The following KIAA1755 variants were observed in gnomAD, a reference collection of about 807,000 sequenced individuals.
KIAA1755 encodes the protein KIAA1755.
KIAA1755 carries 68 observed loss-of-function variants against 91.7 expected under a neutral mutation model. That is an observed-to-expected ratio of 0.74 (90% CI 0.61 to 0.91). The LOEUF is 0.91. Among genes scored for constraint, KIAA1755 ranks in the 40% least tolerant of loss-of-function variants. The pLI is 0.00. For missense variants in KIAA1755, 1,535 were observed against 1,494.4 expected, an observed-to-expected ratio of 1.03 and a Z score of -0.45; for synonymous variants, 610 against 604.6, an observed-to-expected ratio of 1.01 and a Z score of -0.13.
intron 7 of KIAA1755, 79 bp from the exon 8 acceptor site, chr20:38,225,860 C>T: frequency 1.3e-6 from 1 of 763,786 alleles, no homozygotes; most frequent in Non-Finnish European, 2.0e-6. Flanking sequence ...AGATCCCTGC[C>T]CCAGCACCAG....
rs772680080 is a variant in KIAA1755, at chr20:38,241,523, G to A, written c.608C>T (p.Pro203Leu). Residue 203 changes from proline to leucine, a missense_variant, in exon 3 of 14, where the codon CCC becomes CTC. Physicochemically the swap from Pro to Leu is moderately conservative, Grantham distance 98. Coordinates refer to ENST00000279024, the MANE Select transcript of KIAA1755 (RefSeq NM_001029864.2). ...VVNALCQAWG[P>L]LPLEALDLSS... ...CAAATCCAGTGCCTCTAATGGAAGG[G>A]GCCCCCAGGCTTGGCAGAGGGCATT... 3.1e-6 allele frequency: 5 copies of A among 1,614,220 alleles called. No homozygotes were observed. In the African/African-American group the frequency reaches 4.0e-5, roughly 13 times the overall value.
At chr20:38,221,568 A>G (rs1187609556) in intron 10 of KIAA1755, among the ~76,000 whole-genome samples, 1 of 152,166 alleles carries the variant, frequency 6.6e-6, no homozygotes, top group Non-Finnish European at 1.5e-5. Context: ...TGGACTAATC[A>G]CTTACCTTCT....
In KIAA1755 at chr20:38,260,694, G is replaced by A. The variant is rs759552784; in HGVS notation, c.-194C>T. On this transcript the variant is annotated 5_prime_UTR_variant, in exon 1 of 14. Transcript: ENST00000279024. ...GGGAGGACAGGGAGAGAGACTGAGA[G>A]AGAGACAGAGAGGGACTGAGGCTGG... is the stretch of plus-strand genomic sequence containing the variant. The A allele has an allele frequency of 2.0e-6, 1 of 507,358 alleles. No individual in the cohort carries two copies. Among genetic ancestry groups the A allele is most frequent in the South Asian group, 7.9e-5 (1 of 12,724 alleles). 31.4% of individuals were successfully genotyped at this position (507,358 alleles called of 1,614,324 possible).
chr20:38,253,210 C>T lies in KIAA1755; in HGVS notation c.4-7084G>A, dbSNP rs554356551. Among the ~76,000 whole-genome samples, 8 of 152,292 alleles carry T rather than the reference C, an allele frequency of 5.3e-5. No individual in the cohort carries two copies. In the East Asian group the frequency reaches 1.2e-3, roughly 22 times the overall value. ...TCAAGGGGACAGGCAGAACCAGGCC[C>T]GCACTGCTGGCTCCTATACCATGCT... On this transcript the variant is annotated intron_variant, in intron 1 of 13. Transcript: ENST00000279024.
chr20:38,228,055 C>G, intron 6 of KIAA1755, 92 bp downstream of exon 6: 1 of 869,930 alleles, frequency 1.1e-6, no homozygotes, highest in Non-Finnish European at 1.7e-6. Context: ...GTCCTGGTCC[C>G]AGCCTTAAGC....
At chr20:38,252,578 C>T (rs80132067) in intron 1 of KIAA1755, among the ~76,000 whole-genome samples, 7,806 of 152,230 alleles carry the variant, frequency 0.051, 358 homozygotes, top group African/African-American at 0.12. Flanking sequence ...TGTTTCCTGC[C>T]GCCCCCTCTG....
At chr20:38,236,587 G>A (rs1216529464) in intron 4 of KIAA1755, among the ~76,000 whole-genome samples, 13 of 152,148 alleles carry the variant, frequency 8.5e-5, no homozygotes, top group African/African-American at 3.1e-4. Context: ...AAGATCTAAT[G>A]GCAAGTGAAG....
rs183068992 is a variant in KIAA1755, at chr20:38,219,782, G to A, written c.2418-14C>T. ...GCCAGATGGCTCCTGGGAGGTGGGC[G>A]GAGGTGAGAAAAGGCCTCTGTTGCC... is the stretch of plus-strand genomic sequence containing the variant. On this transcript the variant is annotated splice_polypyrimidine_tract_variant and intron_variant, in intron 10 of 13. Transcript: ENST00000279024. 60 of 1,613,892 alleles carry A rather than the reference G, an allele frequency of 3.7e-5. No individual in the cohort carries two copies. The highest frequency in any genetic ancestry group is 6.7e-5 in the East Asian group (3 of 44,876).
chr20:38,225,609 G>T, intron 8 of KIAA1755, 56 bp downstream of exon 8: 1 of 1,040,786 alleles, frequency 9.6e-7, no homozygotes, highest in Non-Finnish European at 1.5e-6. Flanking sequence ...ACAGAAGAGT[G>T]AAGAGAAGAA....
chr20:38,259,671 A>T (rs1341465712), intron 1 of KIAA1755, among the ~76,000 whole-genome samples: 1 of 151,824 alleles, frequency 6.6e-6, no homozygotes, highest in Non-Finnish European at 1.5e-5. Flanking sequence ...CTGTCTTCAC[A>T]GCTTTTTTCA....
At position 38,240,892 on chromosome 20, in the gene KIAA1755, G is replaced by C; in HGVS notation, c.1239C>G (p.Leu413=). Reference sequence around the variant, plus strand: ...AGGAGGCTTGTCTTGGTCCAGGCCTGAGCTGCACCATATTCTCTGGGTTTC... The same window carrying C: ...AGGAGGCTTGTCTTGGTCCAGGCCTCAGCTGCACCATATTCTCTGGGTTTC... ...PLGNPENMVQ[L]RPGPRQASSP... Residue 413 remains leucine, a synonymous_variant, in exon 3 of 14, where the codon CTC becomes CTG. Coordinates refer to ENST00000279024, the MANE Select transcript of KIAA1755 (RefSeq NM_001029864.2). 6.2e-7 allele frequency: 1 copy of C among 1,614,118 alleles called. No individual in the cohort carries two copies. The highest frequency in any genetic ancestry group is 1.3e-5 in the African/African-American group (1 of 75,054).
At chr20:38,222,331 G>T in intron 10 of KIAA1755, 118 bp downstream of exon 10, 3 of 1,095,904 alleles carry the variant, frequency 2.7e-6, no homozygotes, top group East Asian at 2.4e-5. Context: ...TGCAACTACT[G>T]CAAAGCTGGG....
chr20:38,237,147 T>C (rs1472053428), intron 4 of KIAA1755, among the ~76,000 whole-genome samples: 1 of 150,082 alleles, frequency 6.7e-6, no homozygotes, highest in Non-Finnish European at 1.5e-5. Context: ...TAGACTTCCT[T>C]CCAATTGCTT....
intron 6 of KIAA1755, among the ~76,000 whole-genome samples, chr20:38,227,464 A>G (rs2075780054): frequency 6.6e-6 from 1 of 152,260 alleles, no homozygotes; most frequent in African/African-American, 2.4e-5. Context: ...ATCTTTCCAG[A>G]TGACCTGCCC....
At chr20:38,223,676 C>T in intron 8 of KIAA1755, 40 bp from the exon 9 acceptor site, 1 of 1,519,974 alleles carries the variant, frequency 6.6e-7, no homozygotes, top group Non-Finnish European at 9.0e-7. Context: ...TCAGCCCAGG[C>T]CAACCAGGAG....
chr20:38,239,477 C>G (rs773399565), intron 4 of KIAA1755, 51 bp downstream of exon 4: 5 of 1,566,130 alleles, frequency 3.2e-6, no homozygotes, highest in Non-Finnish European at 3.5e-6. Context: ...TGAAGATGCT[C>G]TGGGGCCCCC....
intron 4 of KIAA1755, among the ~76,000 whole-genome samples, chr20:38,233,000 C>T (rs1201239587): frequency 6.6e-6 from 1 of 151,932 alleles, no homozygotes; most frequent in East Asian, 1.9e-4. Flanking sequence ...TGTGTGCCTG[C>T]AGTCCCAGCT....
chr20:38,259,129 C>T (rs1215614724), intron 1 of KIAA1755, among the ~76,000 whole-genome samples: 1 of 152,170 alleles, frequency 6.6e-6, no homozygotes, highest in African/African-American at 2.4e-5. Flanking sequence ...CAGGTCTAAT[C>T]TTAGAGTTGG....
In KIAA1755 at chr20:38,213,191, G is replaced by T. The variant is rs1156622351; in HGVS notation, c.3454C>A (p.His1152Asn). 1 of 1,613,682 alleles carries T rather than the reference G, an allele frequency of 6.2e-7. No individual in the cohort carries two copies. Among genetic ancestry groups the T allele is most frequent in the East Asian group, 2.2e-5 (1 of 44,894 alleles). ...SHKLPDPARE[H>N]LLATTFFRQQ... Reference sequence around the variant, plus strand: ...CGGAAGAAGGTGGTGGCAAGCAAATGCTCGCGGGCAGGGTCAGGCAGCTTG... The same window carrying T: ...CGGAAGAAGGTGGTGGCAAGCAAATTCTCGCGGGCAGGGTCAGGCAGCTTG... The change falls in exon 14 of 14, where the codon CAT becomes AAT. Residue 1152 changes from histidine (H) to asparagine (N), a missense_variant. Transcript: ENST00000279024.
Sources: allele counts gnomAD v4.1 joint callset (sites outside exome capture counted in the v4.1 genomes callset), GRCh38; gene constraint gnomAD v4.1.1; transcripts MANE v1.5; gene names NCBI Gene and HGNC (gene_info 2026-07-23, HGNC 2026-07-21).